REC114: variants seen among roughly 807,000 people sequenced by gnomAD.
REC114 encodes the protein REC114 meiotic recombination protein.
A neutral mutation model predicts 31.3 loss-of-function variants in REC114; 27 were observed. The ratio of observed to expected loss-of-function variants is 0.86; its 90% CI spans 0.64 to 1.19. The LOEUF (loss-of-function observed/expected upper bound fraction) is 1.19, where lower values mean the gene tolerates loss of function less well. Ranked by LOEUF, REC114 falls within the 50% of genes most tolerant of loss-of-function variation. The probability of loss-of-function intolerance (pLI) is 0.00; values close to 1 mark genes in which losing one functional copy is unlikely to be tolerated. For synonymous variants in REC114, 134 were observed against 127.7 expected (o/e 1.05, Z -0.33); for missense variants, 344 against 326.9 (o/e 1.05, Z -0.40).
In REC114 at chr15:73,559,818, G is replaced by C; in HGVS notation, c.703G>C (p.Gly235Arg). 6.2e-7 allele frequency: 1 copy of C among 1,612,882 alleles called. No homozygotes were observed. Among genetic ancestry groups the C allele is most frequent in the Non-Finnish European group, 8.5e-7 (1 of 1,179,452 alleles). The change falls in exon 6 of 6, where the codon GGC becomes CGC. Residue 235 changes from glycine (G) to arginine (R), a missense_variant. Transcript: ENST00000331090. ...ATCTGCATGGGGTGCAGAAGAGTTAGGCCCCTTCCTACGTTTGTGCCTTAT... is the reference window on the plus strand; with the variant it reads ...ATCTGCATGGGGTGCAGAAGAGTTACGCCCCTTCCTACGTTTGTGCCTTAT... ...EQSAWGAEEL[G>R]PFLRLCLMDQ... is the part of the protein sequence containing the mutation.
chr15:73,526,223 A>AT (rs1281485956), intron 2 of REC114, among the ~76,000 whole-genome samples: 12 of 152,026 alleles, frequency 7.9e-5, no homozygotes, highest in Admixed American at 6.6e-4. Flanking sequence ...TTCAAAATGA[A>AT]TTTTTTCTAG....
intron 2 of REC114, among the ~76,000 whole-genome samples, chr15:73,514,354 A>G (rs904758396): frequency 2.0e-5 from 3 of 151,650 alleles, no homozygotes; most frequent in Non-Finnish European, 4.4e-5. Flanking sequence ...GGCACTCCCT[A>G]GTGAGATGAA....
At chr15:73,500,845 T>C (rs948814783) in intron 2 of REC114, among the ~76,000 whole-genome samples, 1 of 152,064 alleles carries the variant, frequency 6.6e-6, no homozygotes, top group South Asian at 2.1e-4. Context: ...ATGAATCCAT[T>C]TTATAAATAG....
chr15:73,516,543 C>T (rs1186921065), intron 2 of REC114, among the ~76,000 whole-genome samples: 1 of 152,180 alleles, frequency 6.6e-6, no homozygotes, highest in East Asian at 1.9e-4. Flanking sequence ...GATAAGTCTG[C>T]AGAACCTTGG....
At chr15:73,517,069 C>G (rs1257361820) in intron 2 of REC114, among the ~76,000 whole-genome samples, 1 of 152,230 alleles carries the variant, frequency 6.6e-6, no homozygotes, top group Admixed American at 6.5e-5. Flanking sequence ...TCTGTGTCCA[C>G]AGACCCCTGT....
chr15:73,450,081 CT>C (rs371052972), intron 1 of REC114, among the ~76,000 whole-genome samples: 54 of 152,314 alleles, frequency 3.5e-4, no homozygotes, highest in African/African-American at 1.2e-3. Context: ...ACTGCATCAA[CT>C]AACTGGCAAA....
intron 3 of REC114, among the ~76,000 whole-genome samples, chr15:73,550,262 AAT>A: frequency 6.6e-6 from 1 of 152,298 alleles, no homozygotes; most frequent in Middle Eastern, 3.4e-3. Context: ...CTTGTAATCA[AAT>A]AAGTTTGATG....
At chr15:73,448,025 G>A (rs982315077) in intron 1 of REC114, among the ~76,000 whole-genome samples, 14 of 152,078 alleles carry the variant, frequency 9.2e-5, no homozygotes, top group Non-Finnish European at 1.5e-4. Context: ...CTACACCACC[G>A]AGGGCCCTGG....
chr15:73,521,881 G>C (rs1390040445), intron 2 of REC114, among the ~76,000 whole-genome samples: 1 of 152,150 alleles, frequency 6.6e-6, no homozygotes, highest in African/African-American at 2.4e-5. Flanking sequence ...AATTCCTTCA[G>C]ATGTTTAAGG....
intron 1 of REC114, among the ~76,000 whole-genome samples, chr15:73,470,285 T>C (rs1053889848): frequency 2.6e-5 from 4 of 152,212 alleles, no homozygotes; most frequent in Admixed American, 1.3e-4. Flanking sequence ...TTATCAGTTA[T>C]CTTTTAAAGA....
At chr15:73,452,449 G>A (rs1595858878) in intron 1 of REC114, among the ~76,000 whole-genome samples, 1 of 152,244 alleles carries the variant, frequency 6.6e-6, no homozygotes, top group Non-Finnish European at 1.5e-5. Context: ...ACCTCTTCAA[G>A]GAGAACTACA....
chr15:73,505,695 C>G (rs1893666772), intron 2 of REC114, among the ~76,000 whole-genome samples: 1 of 152,146 alleles, frequency 6.6e-6, no homozygotes. Context: ...CCATGCCCGG[C>G]TAATTTTTTG....
At chr15:73,446,414 C>A (rs962347165) in intron 1 of REC114, among the ~76,000 whole-genome samples, 3 of 151,972 alleles carry the variant, frequency 2.0e-5, no homozygotes, top group Admixed American at 2.0e-4. Context: ...CTGAGGCAGG[C>A]GGATCACCTG....
At chr15:73,471,776 G>GCAAA (rs769314236) in intron 1 of REC114, among the ~76,000 whole-genome samples, 8 of 151,966 alleles carry the variant, frequency 5.3e-5, no homozygotes, top group South Asian at 4.2e-4. Context: ...ATACCCATCA[G>GCAAA]CAAACAAACA....
intron 2 of REC114, among the ~76,000 whole-genome samples, chr15:73,539,279 C>A (rs1894206116): frequency 1.7e-5 from 2 of 120,474 alleles, no homozygotes; most frequent in Non-Finnish European, 3.3e-5. Context: ...CATTTCAGAA[C>A]TGATTTTTTT....
intron 5 of REC114, 125 bp from the exon 6 acceptor site, chr15:73,559,627 A>G: frequency 2.6e-6 from 2 of 775,850 alleles, no homozygotes; most frequent in Non-Finnish European, 3.9e-6. Context: ...TGTAAAGCTA[A>G]TTAACACTAA....
chr15:73,469,585 G>C (rs879398407), intron 1 of REC114, among the ~76,000 whole-genome samples: 1 of 150,956 alleles, frequency 6.6e-6, no homozygotes, highest in Non-Finnish European at 1.5e-5. Flanking sequence ...GTGTACCACC[G>C]TGCCTGGCTA....
chr15:73,528,560 G>A (rs894597882), intron 2 of REC114, among the ~76,000 whole-genome samples: 3 of 152,216 alleles, frequency 2.0e-5, no homozygotes, highest in East Asian at 1.9e-4. Context: ...CACACAATGC[G>A]TGGGACACAT....
rs1468596390 is a variant in REC114 at position 73,473,024 on chromosome 15, G to A, written c.160-808G>A. ...CCAAGCAGATTATGGTAAGTTTATG[G>A]CACCATATTTTAAGAGTGACACTGA... On this transcript the variant is annotated intron_variant, in intron 1 of 5. Transcript: ENST00000331090. Among the ~76,000 whole-genome samples, 3 of 152,144 alleles carry A rather than the reference G, an allele frequency of 2.0e-5. No homozygotes were observed. The East Asian group carries it at 5.8e-4, about 29-fold the overall frequency.
Sources: gnomAD v4.1 joint callset for allele counts (sites outside exome capture counted in the v4.1 genomes callset) on GRCh38, gnomAD v4.1.1 for gene constraint, MANE v1.5 for transcripts, NCBI Gene and HGNC (gene_info 2026-07-23, HGNC 2026-07-21) for gene names.